The following ANK3 variants were observed in gnomAD, a reference collection of about 807,000 sequenced individuals.
ANK3 encodes ankyrin 3, also known as ankyrin-3.
A neutral mutation model predicts 370.9 loss-of-function variants in ANK3; 57 were observed. That is an observed-to-expected ratio of 0.15 (90% CI 0.12 to 0.19). The LOEUF (loss-of-function observed/expected upper bound fraction) is 0.19. Among genes scored for constraint, ANK3 ranks in the 10% least tolerant of loss-of-function variants. ANK3 has a pLI of 1.00. For missense variants in ANK3, 4,439 were observed against 5,302.1 expected, an observed-to-expected ratio of 0.84 and a Z score of 5.06; for synonymous variants, 1,929 against 1,946.3, an observed-to-expected ratio of 0.99 and a Z score of 0.23.
intron 1 of ANK3, among the ~76,000 whole-genome samples, chr10:60,285,427 T>G (rs189338997): frequency 6.1e-4 from 93 of 152,296 alleles, no homozygotes; most frequent in African/African-American, 2.2e-3. Context: ...CTGTATAAAA[T>G]CACCAATGAC....
chr10:60,510,344 A>T (rs2133161185), intron 2 of ANK3, among the ~76,000 whole-genome samples: 1 of 152,168 alleles, frequency 6.6e-6, no homozygotes, highest in African/African-American at 2.4e-5. Flanking sequence ...TTCTCCCTCC[A>T]CTAATAAACT....
chr10:60,187,134 A>ATTTTAT (rs373365875), intron 16 of ANK3, among the ~76,000 whole-genome samples: 1 of 144,738 alleles, frequency 6.9e-6, no homozygotes, highest in Non-Finnish European at 1.5e-5. Context: ...TGGACATTTT[A>ATTTTAT]TTTATTTTAT....
intron 12 of ANK3, among the ~76,000 whole-genome samples, chr10:60,201,119 C>T (rs545094119): frequency 3.9e-5 from 6 of 152,334 alleles, no homozygotes; most frequent in African/African-American, 9.6e-5. Context: ...TGGAAGGACA[C>T]GTGAAGACAG....
Position 60,306,967 on chromosome 10 carries a change from C to T in ANK3, c.115-27328G>A, listed in dbSNP as rs143467566. ...CTGGTCTCAAACTTCTGGCCTCAAG[C>T]GATCTACCCGCCTCAGGCTCCCAGA... On this transcript the variant is annotated intron_variant, in intron 1 of 43. Coordinates refer to ENST00000280772, the MANE Select transcript of ANK3 (RefSeq NM_020987.5). Among the ~76,000 whole-genome samples, 437 of 152,018 alleles carry T rather than the reference C, an allele frequency of 2.9e-3. 4 individuals are homozygous for T. Among genetic ancestry groups the T allele is most frequent in the African/African-American group, 0.01 (418 of 41,428 alleles).
intron 28 of ANK3, among the ~76,000 whole-genome samples, chr10:60,105,632 T>C (rs1252344207): frequency 5.9e-5 from 9 of 152,224 alleles, no homozygotes; most frequent in African/African-American, 2.2e-4. Flanking sequence ...ATTTTTGACT[T>C]AGAAAACTTT....
In ANK3 at chr10:60,075,069, T is replaced by C; in HGVS notation, c.5812A>G (p.Arg1938Gly). ...TTGAAAGGTTCTTCATCATCTATTC[T>C]CCCTTCCTTTGGGAGTTCAGGTTGG... Reference protein sequence around the residue: ...PFQPELPKEGRIDDEEPFKIV... With the variant: ...PFQPELPKEGGIDDEEPFKIV... Residue 1938 changes from arginine to glycine, a missense_variant, in exon 37 of 44, where the codon AGA becomes GGA. Around this residue, in one of 13 missense-constraint regions of ANK3, gnomAD observed 679 missense variants for 791.0 expected, o/e 0.86. Transcript: ENST00000280772. 1 of 1,614,100 alleles carries C rather than the reference T, an allele frequency of 6.2e-7. No individual in the cohort carries two copies. The highest frequency in any genetic ancestry group is 8.5e-7 in the Non-Finnish European group (1 of 1,180,016).
intron 1 of ANK3, among the ~76,000 whole-genome samples, chr10:60,701,588 T>C (rs2079546669): frequency 6.6e-6 from 1 of 152,208 alleles, no homozygotes; most frequent in Admixed American, 6.5e-5. Flanking sequence ...ATTGCTGCTG[T>C]GACTTAATCT....
chr10:60,147,392 T>C (rs1158264227), intron 23 of ANK3, among the ~76,000 whole-genome samples: 1 of 152,218 alleles, frequency 6.6e-6, no homozygotes, highest in Non-Finnish European at 1.5e-5. Context: ...GGATTATTTA[T>C]GGGGTGGGAG....
intron 2 of ANK3, among the ~76,000 whole-genome samples, chr10:60,501,906 A>G (rs537535938): frequency 1.6e-4 from 24 of 152,240 alleles, no homozygotes; most frequent in African/African-American, 4.8e-4. Flanking sequence ...GCATCGCTTC[A>G]GCCCGGGAGT....
Position 60,268,563 on chromosome 10 carries a change from C to T in ANK3, c.513+1568G>A, listed in dbSNP as rs1057302457. 4.6e-5 allele frequency among the ~76,000 whole-genome samples: 7 copies of T among 152,044 alleles called. No homozygotes were observed. The South Asian group carries it at 8.3e-4, about 18-fold the overall frequency. On this transcript the variant is annotated intron_variant, in intron 5 of 43. Coordinates refer to ENST00000280772, the MANE Select transcript of ANK3 (RefSeq NM_020987.5). Reference sequence around the variant, plus strand: ...TTTAGATTCTGATTTTTAAAAATTGCTATTATTAATTGTGTTGACAAACAT... The same window carrying T: ...TTTAGATTCTGATTTTTAAAAATTGTTATTATTAATTGTGTTGACAAACAT...
intron 38 of ANK3, among the ~76,000 whole-genome samples, chr10:60,066,588 G>T (rs1275132866): frequency 6.6e-6 from 1 of 151,848 alleles, no homozygotes; most frequent in East Asian, 1.9e-4. Flanking sequence ...GTTTGAAATG[G>T]GGTAGTGGTG....
At chr10:60,513,780 T>G (rs1257996141) in intron 2 of ANK3, among the ~76,000 whole-genome samples, 1 of 152,172 alleles carries the variant, frequency 6.6e-6, no homozygotes, top group Non-Finnish European at 1.5e-5. Context: ...TAGCACTATC[T>G]CGGGTAGTCA....
intron 2 of ANK3, among the ~76,000 whole-genome samples, chr10:60,466,232 C>T (rs774062642): frequency 2.0e-5 from 3 of 152,114 alleles, no homozygotes; most frequent in East Asian, 1.9e-4. Flanking sequence ...GGACTAGCTT[C>T]GGAGGAGGCA....
intron 23 of ANK3, among the ~76,000 whole-genome samples, chr10:60,144,977 A>T (rs2094746011): frequency 6.6e-6 from 1 of 152,144 alleles, no homozygotes; most frequent in Non-Finnish European, 1.5e-5. Flanking sequence ...CACCCGATGT[A>T]CTTTTCTTCT....
intron 2 of ANK3, among the ~76,000 whole-genome samples, chr10:60,412,758 A>T (rs1176642253): frequency 2.6e-5 from 4 of 151,890 alleles, no homozygotes; most frequent in Non-Finnish European, 5.9e-5. Context: ...GCACAGAGAG[A>T]ATGTGCAACA....
chr10:60,581,597 A>ATT (rs67585866), intron 2 of ANK3, among the ~76,000 whole-genome samples: 20 of 137,844 alleles, frequency 1.5e-4, no homozygotes, highest in African/African-American at 4.8e-4. Context: ...GCTAATTATT[A>ATT]TTTTTTTTTT....
chr10:60,061,996 T>A (rs948886797), intron 40 of ANK3: 6 of 152,152 alleles, frequency 3.9e-5, no homozygotes, highest in African/African-American at 1.4e-4. Flanking sequence ...CTGGGTGGGG[T>A]GGCTCATGCC....
At chr10:60,491,726 C>A (rs1029866331) in intron 2 of ANK3, among the ~76,000 whole-genome samples, 6 of 152,096 alleles carry the variant, frequency 3.9e-5, no homozygotes, top group Non-Finnish European at 5.9e-5. Context: ...AGACACAGTA[C>A]GGTGTAGTGC....
At chr10:60,277,706 G>T (rs991683464) in intron 4 of ANK3, among the ~76,000 whole-genome samples, 12 of 152,146 alleles carry the variant, frequency 7.9e-5, no homozygotes, top group Admixed American at 5.9e-4. Context: ...CCACAGCTCA[G>T]CTGTGCACCC....
Sources: gnomAD v4.1 joint callset for allele counts (sites outside exome capture counted in the v4.1 genomes callset) on GRCh38, gnomAD v4.1.1 for gene constraint, gnomAD v4.1.1 regional missense constraint, MANE v1.5 for transcripts, NCBI Gene and HGNC (gene_info 2026-07-23, HGNC 2026-07-21) for gene names.